C10orf90: variants seen among roughly 807,000 people sequenced by gnomAD.
C10orf90 encodes (E2-independent) E3 ubiquitin-conjugating enzyme FATS.
C10orf90 carries 56 observed loss-of-function variants against 62.5 expected under a neutral mutation model. That is an observed-to-expected ratio of 0.90 (90% CI 0.72 to 1.12). C10orf90 has a LOEUF of 1.12. C10orf90 is among the 50% of genes most tolerant of loss of function. The probability of loss-of-function intolerance (pLI) is 0.00; values close to 1 mark genes in which losing one functional copy is unlikely to be tolerated. For missense variants in C10orf90, 970 were observed against 880.4 expected (o/e 1.10, Z -1.29); for synonymous variants, 386 against 340.4 (o/e 1.13, Z -1.47).
At chr10:126,427,839 T>C (rs1470175598) in intron 8 of C10orf90, among the ~76,000 whole-genome samples, 1 of 152,192 alleles carries the variant, frequency 6.6e-6, no homozygotes, top group Admixed American at 6.5e-5. Context: ...ATCATGGGAC[T>C]TTGCCTTGTG....
At chr10:126,639,761 T>C (rs1452031921) in intron 2 of C10orf90, among the ~76,000 whole-genome samples, 1 of 152,252 alleles carries the variant, frequency 6.6e-6, no homozygotes, top group Non-Finnish European at 1.5e-5. Flanking sequence ...AAATCTGCAG[T>C]TGAGCTCCTT....
At chr10:126,495,217 C>T (rs1172265253) in intron 4 of C10orf90, among the ~76,000 whole-genome samples, 1 of 152,206 alleles carries the variant, frequency 6.6e-6, no homozygotes, top group Non-Finnish European at 1.5e-5. Context: ...GACATGTTCA[C>T]TGCAGCATTG....
intron 2 of C10orf90, among the ~76,000 whole-genome samples, chr10:126,526,479 C>T (rs1456530391): frequency 6.6e-6 from 1 of 152,030 alleles, no homozygotes; most frequent in Non-Finnish European, 1.5e-5. Flanking sequence ...CTCCTGACCT[C>T]GTGATCCGCC....
chr10:126,605,026 T>C (rs560765126), intron 2 of C10orf90, among the ~76,000 whole-genome samples: 1 of 152,374 alleles, frequency 6.6e-6, no homozygotes, highest in African/African-American at 2.4e-5. Context: ...GGTAATGAAA[T>C]GGATTGCACA....
At chr10:126,479,572 C>A (rs1861065886) in intron 4 of C10orf90, among the ~76,000 whole-genome samples, 1 of 152,162 alleles carries the variant, frequency 6.6e-6, no homozygotes, top group Non-Finnish European at 1.5e-5. Context: ...CAGGACCCAC[C>A]CCCTCCAGGA....
intron 2 of C10orf90, among the ~76,000 whole-genome samples, chr10:126,568,498 A>G (rs1231614690): frequency 7.9e-5 from 12 of 152,182 alleles, no homozygotes; most frequent in Non-Finnish European, 1.5e-5. Context: ...TGACCTCAGG[A>G]AGGGCAGGAC....
intron 1 of C10orf90, among the ~76,000 whole-genome samples, chr10:126,668,850 T>A (rs1423445445): frequency 6.6e-6 from 1 of 152,238 alleles, no homozygotes; most frequent in Non-Finnish European, 1.5e-5. Context: ...GTGACTGTCA[T>A]ATATTTGAAG....
chr10:126,513,885 T>C lies in C10orf90; in HGVS notation c.368A>G (p.Gln123Arg), dbSNP rs1356933330. ...RRDQIALKNL[Q>R]SDVTEAKSDF... The stretch of plus-strand genomic sequence containing the variant: ...AGATTTTGCCTCTGTGACATCAGAC[T>C]GGAGATTTTTAAGGGCAATTTGATC... Residue 123 changes from glutamine to arginine, a missense_variant, in exon 3 of 10, where the codon CAG (glutamine) becomes CGG (arginine). Transcript: ENST00000488181. 4 of 1,613,354 alleles carry C rather than the reference T, an allele frequency of 2.5e-6. No homozygotes were observed. The highest frequency in any genetic ancestry group is 3.3e-5 in the Admixed American group (2 of 60,016).
chr10:126,547,806 G>C (rs1228532256), intron 2 of C10orf90, among the ~76,000 whole-genome samples: 1 of 151,998 alleles, frequency 6.6e-6, no homozygotes, highest in Non-Finnish European at 1.5e-5. Flanking sequence ...CTAGAAGACA[G>C]AACAATTGAA....
At chr10:126,528,680 A>T (rs753197402) in intron 2 of C10orf90, among the ~76,000 whole-genome samples, 15 of 152,164 alleles carry the variant, frequency 9.9e-5, no homozygotes, top group Admixed American at 8.5e-4. Flanking sequence ...TGGTTTCCTC[A>T]TCTGCGAAAT....
At chr10:126,515,713 G>A (rs1400399735) in intron 2 of C10orf90, among the ~76,000 whole-genome samples, 12 of 152,170 alleles carry the variant, frequency 7.9e-5, no homozygotes, top group African/African-American at 2.4e-5. Flanking sequence ...AAAATAATGT[G>A]CTCTAATATT....
chr10:126,458,073 G>A (rs577500160), intron 7 of C10orf90, among the ~76,000 whole-genome samples: 1 of 152,218 alleles, frequency 6.6e-6, no homozygotes, highest in South Asian at 2.1e-4. Flanking sequence ...GAGTTCTGGT[G>A]GAGAGAAGGA....
At chr10:126,638,593 C>T (rs1160470340) in intron 2 of C10orf90, among the ~76,000 whole-genome samples, 3 of 152,148 alleles carry the variant, frequency 2.0e-5, no homozygotes, top group Non-Finnish European at 2.9e-5. Context: ...AAAGGCCTAA[C>T]ATCGAGGTCC....
At chr10:126,585,640 G>C (rs72839051) in intron 2 of C10orf90, among the ~76,000 whole-genome samples, 11,606 of 152,098 alleles carry the variant, frequency 0.076, 744 homozygotes, top group African/African-American at 0.18. Context: ...AGGAAGGGTA[G>C]GTCAGATTCA....
intron 2 of C10orf90, among the ~76,000 whole-genome samples, chr10:126,576,707 A>ATG (rs1564879099): frequency 4.3e-4 from 18 of 41,386 alleles, no homozygotes; most frequent in South Asian, 1.8e-3. Context: ...ATGTATATGT[A>ATG]TATATATACA....
At chr10:126,651,693 G>A (rs545006275) in intron 1 of C10orf90, among the ~76,000 whole-genome samples, 35 of 152,276 alleles carry the variant, frequency 2.3e-4, no homozygotes, top group African/African-American at 8.2e-4. Flanking sequence ...GAACACTGCT[G>A]CCAGTGCCCT....
chr10:126,465,357 A>G (rs1169115139), intron 4 of C10orf90, among the ~76,000 whole-genome samples: 1 of 151,744 alleles, frequency 6.6e-6, no homozygotes, highest in Admixed American at 6.6e-5. Flanking sequence ...ATTTATTATT[A>G]TATTATTTAG....
intron 2 of C10orf90, among the ~76,000 whole-genome samples, chr10:126,562,672 G>C (rs1403339228): frequency 6.6e-6 from 1 of 152,118 alleles, no homozygotes; most frequent in Non-Finnish European, 1.5e-5. Flanking sequence ...CAGTTTTAAT[G>C]GGCACCAGTT....
intron 2 of C10orf90, among the ~76,000 whole-genome samples, chr10:126,617,881 GA>G (rs1374484081): frequency 2.6e-5 from 4 of 152,202 alleles, no homozygotes; most frequent in African/African-American, 9.7e-5. Context: ...AAGAGAGAGG[GA>G]GAGATCATCA....
Sources: allele counts gnomAD v4.1 joint callset (sites outside exome capture counted in the v4.1 genomes callset), GRCh38; gene constraint gnomAD v4.1.1; transcripts MANE v1.5; gene names NCBI Gene and HGNC (gene_info 2026-07-23, HGNC 2026-07-21).